Variants in LMBRD1 observed in about 807,000 individuals in gnomAD.
LMBRD1 encodes the protein lysosomal cobalamin transport escort protein LMBD1.
In LMBRD1, 64 loss-of-function variants were observed where a neutral mutation model predicts 74.8. The observed-to-expected ratio is 0.86, with a 90% CI of 0.70 to 1.05. The LOEUF (loss-of-function observed/expected upper bound fraction) is 1.05, where lower values mean the gene tolerates loss of function less well. Among genes scored for constraint, LMBRD1 ranks in the 50% least tolerant of loss-of-function variants. LMBRD1 has a pLI of 0.00. For missense variants in LMBRD1, 652 were observed against 645.9 expected, an observed-to-expected ratio of 1.01 and a Z score of -0.10; for synonymous variants, 204 against 216.3, an observed-to-expected ratio of 0.94 and a Z score of 0.50.
intron 6 of LMBRD1, 92 bp downstream of exon 6, chr6:69,741,697 A>C: frequency 1.2e-6 from 1 of 823,306 alleles, no homozygotes; most frequent in East Asian, 2.7e-5. Flanking sequence ...CTGGGGTTAA[A>C]TTCTTAACAA....
chr6:69,685,386 G>C (rs1191924735), intron 14 of LMBRD1, among the ~76,000 whole-genome samples: 3 of 152,212 alleles, frequency 2.0e-5, no homozygotes, highest in Non-Finnish European at 2.9e-5. Context: ...CAGATGATGT[G>C]AGGGGAGCAC....
intron 9 of LMBRD1, among the ~76,000 whole-genome samples, chr6:69,710,320 C>T (rs1766356237): frequency 6.6e-6 from 1 of 151,764 alleles, no homozygotes; most frequent in African/African-American, 2.4e-5. Flanking sequence ...TAAAATGAAC[C>T]TTAACCCTTA....
intron 8 of LMBRD1, among the ~76,000 whole-genome samples, 192 bp from the exon 9 acceptor site, chr6:69,713,989 ATGT>A (rs1403080055): frequency 6.6e-6 from 1 of 152,078 alleles, no homozygotes; most frequent in East Asian, 1.9e-4. Context: ...AAAAATGTGG[ATGT>A]GTGTACATTT....
chr6:69,773,915 A>C (rs1582148478), intron 3 of LMBRD1, among the ~76,000 whole-genome samples: 1 of 152,202 alleles, frequency 6.6e-6, no homozygotes, highest in Non-Finnish European at 1.5e-5. Flanking sequence ...TTCAAATATA[A>C]TGTTACACAC....
chr6:69,690,163 T>C (rs925301302), intron 14 of LMBRD1, among the ~76,000 whole-genome samples: 16 of 152,060 alleles, frequency 1.1e-4, no homozygotes, highest in African/African-American at 3.9e-4. Flanking sequence ...TTGATAATTC[T>C]AACACAGATT....
At chr6:69,748,342 G>C (rs1277448809) in intron 5 of LMBRD1, among the ~76,000 whole-genome samples, 1 of 151,678 alleles carries the variant, frequency 6.6e-6, no homozygotes, top group African/African-American at 2.4e-5. Context: ...TCTTTAAAAA[G>C]CCAAAAAAAT....
rs531057519 is a variant in LMBRD1, at chr6:69,743,631, C to T, written c.474-1754G>A. Among the ~76,000 whole-genome samples, 259 of 152,336 alleles carry T rather than the reference C, an allele frequency of 1.7e-3. 1 individual carries two copies. Among genetic ancestry groups the T allele is most frequent in the Non-Finnish European group, 2.9e-3 (198 of 68,024 alleles). On this transcript the variant is annotated intron_variant, in intron 5 of 15. Transcript: ENST00000649934. ...GAGCACATAGTATTTTAGGTATAAA[C>T]GAAAGCACAAATTCAAAGCAGGTTC... is the stretch of plus-strand genomic sequence containing the variant.
intron 9 of LMBRD1, chr6:69,705,380 C>T (rs571090154): frequency 4.2e-5 from 37 of 887,964 alleles, no homozygotes; most frequent in Non-Finnish European, 6.4e-5. Flanking sequence ...ACTTGGCTTC[C>T]ACTTTGGGAA....
chr6:69,680,394 A>T (rs1220524862), intron 14 of LMBRD1, among the ~76,000 whole-genome samples: 1 of 152,104 alleles, frequency 6.6e-6, no homozygotes, highest in East Asian at 1.9e-4. Flanking sequence ...AAAATTAGAA[A>T]TTTCAGGGCC....
chr6:69,796,332 G>A (rs1766228839), intron 1 of LMBRD1, among the ~76,000 whole-genome samples: 1 of 152,206 alleles, frequency 6.6e-6, no homozygotes, highest in African/African-American at 2.4e-5. Context: ...ACAGAGGTTG[G>A]AGACTCACTA....
At chr6:69,706,160 T>C in intron 9 of LMBRD1, 1 of 516,458 alleles carries the variant, frequency 1.9e-6, no homozygotes, top group Non-Finnish European at 3.6e-6. Context: ...AAATCTTCCA[T>C]CAGGTGGCAG....
At chr6:69,751,537 G>A (rs943887883) in intron 4 of LMBRD1, among the ~76,000 whole-genome samples, 3 of 152,166 alleles carry the variant, frequency 2.0e-5, no homozygotes, top group Non-Finnish European at 4.4e-5. Context: ...ATGTTGGCCA[G>A]GCTGGTCTCT....
chr6:69,729,658 A>G (rs1354878337), intron 7 of LMBRD1, among the ~76,000 whole-genome samples: 1 of 152,084 alleles, frequency 6.6e-6, no homozygotes, highest in Non-Finnish European at 1.5e-5. Flanking sequence ...ATTTCTAAAT[A>G]GCTTAATTTA....
At chr6:69,759,588 AC>A (rs1386615545) in intron 3 of LMBRD1, among the ~76,000 whole-genome samples, 1 of 152,088 alleles carries the variant, frequency 6.6e-6, no homozygotes, top group Admixed American at 6.6e-5. Flanking sequence ...ACCAAAACAA[AC>A]AAAAAAGCTT....
Position 69,676,165 on chromosome 6 carries a change from G to C in LMBRD1, c.1616C>G (p.Ser539Cys). Reference sequence around the variant, plus strand: ...CTTTAAGACAGAAGGCTGTCAAGCAGAATAGACAGAGGGCTCATCATCACT... The same window carrying C: ...CTTTAAGACAGAAGGCTGTCAAGCACAATAGACAGAGGGCTCATCATCACT... Reference protein sequence around the residue: ...DISDDEPSVYSA With the variant: ...DISDDEPSVYCA The change falls in exon 16 of 16, where the codon TCT (serine) becomes TGT (cysteine). Residue 539 changes from serine to cysteine, a missense_variant. Around this residue, in one of 3 missense-constraint regions of LMBRD1, gnomAD observed 51 missense variants for 46.9 expected, o/e 1.09. Coordinates refer to ENST00000649934, the MANE Select transcript of LMBRD1 (RefSeq NM_018368.4). 1.2e-6 allele frequency: 2 copies of C among 1,610,664 alleles called. No individual in the cohort carries two copies. Among genetic ancestry groups the C allele is most frequent in the Non-Finnish European group, 1.7e-6 (2 of 1,177,224 alleles).
chr6:69,727,958 T>C (rs900388457), intron 7 of LMBRD1, among the ~76,000 whole-genome samples: 2 of 152,174 alleles, frequency 1.3e-5, no homozygotes, highest in Non-Finnish European at 2.9e-5. Context: ...TATATGATTA[T>C]TTACCAATTC....
intron 1 of LMBRD1, among the ~76,000 whole-genome samples, chr6:69,792,562 G>C (rs1418922783): frequency 1.3e-5 from 2 of 152,038 alleles, no homozygotes; most frequent in Non-Finnish European, 2.9e-5. Flanking sequence ...TTAAGACTTT[G>C]GAACAAACAA....
intron 8 of LMBRD1, among the ~76,000 whole-genome samples, chr6:69,715,091 A>T (rs968026319): frequency 6.6e-6 from 1 of 152,018 alleles, no homozygotes; most frequent in African/African-American, 2.4e-5. Flanking sequence ...GAAAACGAAA[A>T]CTAAGAGGGA....
At chr6:69,730,927 T>TCTTA (rs1766842435) in intron 7 of LMBRD1, among the ~76,000 whole-genome samples, 1 of 152,034 alleles carries the variant, frequency 6.6e-6, no homozygotes, top group Non-Finnish European at 1.5e-5. Flanking sequence ...CAGCAAAACA[T>TCTTA]CTTAAATTTA....
Sources: gnomAD v4.1 joint callset for allele counts (sites outside exome capture counted in the v4.1 genomes callset) on GRCh38, gnomAD v4.1.1 for gene constraint, gnomAD v4.1.1 regional missense constraint, MANE v1.5 for transcripts, NCBI Gene and HGNC (gene_info 2026-07-23, HGNC 2026-07-21) for gene names.